The following TTC6 variants were observed in gnomAD, a reference collection of about 807,000 sequenced individuals.
The protein encoded by TTC6 is tetratricopeptide repeat domain 6.
Under a neutral mutation model 210.4 loss-of-function variants are expected in TTC6, and 172 were observed. That is an observed-to-expected ratio of 0.82 (90% CI 0.72 to 0.93). TTC6 has a LOEUF of 0.93. Ranked by LOEUF, TTC6 falls within the 40% of genes least tolerant of loss-of-function variation. The pLI is 0.00. For missense variants in TTC6, 2,414 were observed against 2,318.1 expected, an observed-to-expected ratio of 1.04 and a Z score of -0.85; for synonymous variants, 804 against 819.6, an observed-to-expected ratio of 0.98 and a Z score of 0.32.
At chr14:37,746,530 C>G (rs552979438) in intron 10 of TTC6, among the ~76,000 whole-genome samples, 5 of 152,208 alleles carry the variant, frequency 3.3e-5, no homozygotes, top group Non-Finnish European at 5.9e-5. Flanking sequence ...TTTTAACAAG[C>G]CTTTGGGTAA....
At chr14:37,807,501 GGGCAGATTCTCTTATGCTA>G (rs2096121203) in intron 23 of TTC6, 41 bp downstream of exon 25, 1 of 1,429,806 alleles carries the variant, frequency 7.0e-7, no homozygotes. Flanking sequence ...ATTTTAGGGT[GGGCAGATTCTCTTATGCTA>G]GGCAGGGGAC....
intron 14 of TTC6, among the ~76,000 whole-genome samples, chr14:37,786,125 C>A (rs1280604120): frequency 6.6e-6 from 1 of 152,202 alleles, no homozygotes; most frequent in East Asian, 1.9e-4. Flanking sequence ...AAACTCCATG[C>A]TGGGAGAACC....
intron 5 of TTC6, among the ~76,000 whole-genome samples, chr14:37,704,728 A>T (rs759817205): frequency 4.6e-5 from 7 of 151,432 alleles, no homozygotes; most frequent in Non-Finnish European, 1.5e-5. Flanking sequence ...TAATGTAGCA[A>T]TTTTTTTTGT....
chr14:37,768,868 C>T (rs148222110), intron 14 of TTC6, among the ~76,000 whole-genome samples: 132,082 of 150,340 alleles, frequency 0.88, 58,624 homozygotes, highest in Non-Finnish European at 0.95. Flanking sequence ...AAGGGCATCC[C>T]TGTCTTGTGC....
At chr14:37,734,530 T>C (rs2095896323) in intron 7 of TTC6, among the ~76,000 whole-genome samples, 1 of 152,232 alleles carries the variant, frequency 6.6e-6, no homozygotes, top group South Asian at 2.1e-4. Context: ...GTTTTGACCA[T>C]TGTTTTTCAA....
In TTC6 at chr14:37,807,454, C is replaced by A; in HGVS notation, c.4449C>A (p.Tyr1483Ter). 1 of 1,500,460 alleles carries A rather than the reference C, an allele frequency of 6.7e-7. No individual in the cohort carries two copies. Among genetic ancestry groups the A allele is most frequent in the Non-Finnish European group, 8.9e-7 (1 of 1,122,340 alleles). The allele number at this position is 1,500,460 out of a possible 1,614,324, so 92.9% of individuals were successfully genotyped here. Residue 1483 changes from tyrosine (Y) to a stop codon, truncating the protein, a stop_gained, in exon 23 of 31, where the codon TAC becomes TAA. Transcript: ENST00000553443. LOFTEE classifies it high-confidence loss of function. Reference sequence around the variant, plus strand: ...TCTACAGAGGAGTTCTGAAATACTACAACAAGGTAGGGCCATTTCCTGCCT... The same window carrying A: ...TCTACAGAGGAGTTCTGAAATACTAAAACAAGGTAGGGCCATTTCCTGCCT...
chr14:37,823,978 G>A (rs868664803), intron 27 of TTC6, 21 bp downstream of exon 29: 2 of 1,602,388 alleles, frequency 1.2e-6, no homozygotes, highest in Middle Eastern at 1.7e-4. Flanking sequence ...AACATTTTGA[G>A]CATTAAAAGC....
chr14:37,625,137 G>A (rs1165204543), intron 1 of TTC6, among the ~76,000 whole-genome samples: 1 of 152,126 alleles, frequency 6.6e-6, no homozygotes, highest in East Asian at 1.9e-4. Flanking sequence ...AATTCCAGAA[G>A]ATAGAGCTTG....
intron 2 of TTC6, 82 bp from the exon 5 acceptor site, chr14:37,682,676 A>G (rs763905594): frequency 2.6e-4 from 299 of 1,158,154 alleles, no homozygotes; most frequent in Admixed American, 3.6e-4. Context: ...TCATCTTGTC[A>G]GATAGAAACT....
chr14:37,807,931 A>C (rs1207003072), intron 23 of TTC6, among the ~76,000 whole-genome samples: 1 of 152,038 alleles, frequency 6.6e-6, no homozygotes, highest in Non-Finnish European at 1.5e-5. Context: ...TGACTGCATA[A>C]TATTCCATGA....
chr14:37,741,226 C>G (rs993877055), intron 10 of TTC6, among the ~76,000 whole-genome samples: 1 of 149,190 alleles, frequency 6.7e-6, no homozygotes, highest in Non-Finnish European at 1.5e-5. Flanking sequence ...AACTATGGAG[C>G]AACTTGAAAA....
chr14:37,765,277 C>A (rs1478457191), intron 14 of TTC6, among the ~76,000 whole-genome samples: 1 of 151,770 alleles, frequency 6.6e-6, no homozygotes, highest in African/African-American at 2.4e-5. Context: ...ATCCTCCCAC[C>A]TCAGACTCCC....
intron 14 of TTC6, among the ~76,000 whole-genome samples, chr14:37,771,216 T>C (rs534483181): frequency 9.8e-4 from 150 of 152,318 alleles, no homozygotes; most frequent in African/African-American, 3.4e-3. Context: ...ACCCGACCTT[T>C]CTGTCTGGCT....
intron 4 of TTC6, among the ~76,000 whole-genome samples, chr14:37,699,757 AAG>A (rs1350603534): frequency 1.3e-5 from 2 of 152,158 alleles, no homozygotes; most frequent in African/African-American, 4.8e-5. Context: ...GTGCAGGTGA[AAG>A]AGAGAGGGGT....
At chr14:37,758,410 T>C (rs142092322) in intron 14 of TTC6, among the ~76,000 whole-genome samples, 6 of 152,240 alleles carry the variant, frequency 3.9e-5, no homozygotes, top group Non-Finnish European at 8.8e-5. Flanking sequence ...TAGCTCTTCT[T>C]GTTGAAGTGA....
At chr14:37,778,974 C>T (rs118107961) in intron 14 of TTC6, among the ~76,000 whole-genome samples, 5,595 of 152,298 alleles carry the variant, frequency 0.037, 141 homozygotes, top group South Asian at 0.095. Context: ...TCATTGCAGA[C>T]TTTCCTGCTC....
At chr14:37,748,869 G>A in intron 10 of TTC6, 70 bp from the exon 13 acceptor site, 1 of 1,221,102 alleles carries the variant, frequency 8.2e-7, no homozygotes, top group Non-Finnish European at 1.1e-6. Flanking sequence ...ATGTGTGGCT[G>A]AGTTGATTTA....
chr14:37,645,386 TGGC>T (rs1166359506), intron 1 of TTC6, among the ~76,000 whole-genome samples: 3 of 152,226 alleles, frequency 2.0e-5, no homozygotes, highest in Admixed American at 6.5e-5. Flanking sequence ...CTGTTATATC[TGGC>T]GCTGTACCAG....
intron 20 of TTC6, among the ~76,000 whole-genome samples, chr14:37,802,547 T>A (rs1226075633): frequency 2.0e-5 from 3 of 152,104 alleles, no homozygotes; most frequent in African/African-American, 7.2e-5. Context: ...AGCAGCTTTG[T>A]AGGACCCGGA....
Sources: gnomAD v4.1 joint callset for allele counts (sites outside exome capture counted in the v4.1 genomes callset) on GRCh38, gnomAD v4.1.1 for gene constraint, MANE v1.5 for transcripts, NCBI Gene and HGNC (gene_info 2026-07-23, HGNC 2026-07-21) for gene names.